The following ACAD11 variants were observed in gnomAD, a reference collection of about 807,000 sequenced individuals.
ACAD11 encodes acyl-Coenzyme A dehydrogenase family, member 11.
In ACAD11, 83 loss-of-function variants were observed where a neutral mutation model predicts 102.2. The ratio of observed to expected loss-of-function variants is 0.81; its 90% CI spans 0.68 to 0.97. The LOEUF (loss-of-function observed/expected upper bound fraction) is 0.97, where lower values mean the gene tolerates loss of function less well. Among genes scored for constraint, ACAD11 ranks in the 50% least tolerant of loss-of-function variants. ACAD11 has a pLI of 0.00. For synonymous variants in ACAD11, 324 were observed against 319.8 expected (o/e 1.01, Z -0.14); for missense variants, 901 against 951.7 (o/e 0.95, Z 0.70).
At chr3:132,580,550 A>C (rs1937583104) in intron 13 of ACAD11, among the ~76,000 whole-genome samples, 1 of 152,186 alleles carries the variant, frequency 6.6e-6, no homozygotes, top group Non-Finnish European at 1.5e-5. Context: ...TCCTAATTCA[A>C]TCAAACAAAA....
intron 13 of ACAD11, among the ~76,000 whole-genome samples, chr3:132,585,508 A>C (rs1937772618): frequency 6.6e-6 from 1 of 152,216 alleles, no homozygotes; most frequent in African/African-American, 2.4e-5. Flanking sequence ...ATTAAACTAA[A>C]AAGCTTCTGC....
Position 132,659,736 on chromosome 3 carries a change from T to C in ACAD11, c.16A>G (p.Thr6Ala), listed in dbSNP as rs1447289178. 5 of 1,604,960 alleles carry C rather than the reference T, an allele frequency of 3.1e-6. No individual in the cohort carries two copies. The highest frequency in any genetic ancestry group is 2.2e-5 in the South Asian group (2 of 90,310). MKPGATGESDLAEVLP... is the reference protein window; with the variant it reads MKPGAAGESDLAEVLP... ...ACTTCGGCCAAATCGGACTCGCCAG[T>C]AGCACCTGGCTTCATGATCACCCCC... Residue 6 changes from threonine (T) to alanine (A), a missense_variant, in exon 1 of 20, where the codon ACT (threonine) becomes GCT (alanine). By Grantham distance (58) the Thr-to-Ala change is moderately conservative. Coordinates refer to ENST00000264990, the MANE Select transcript of ACAD11 (RefSeq NM_032169.5).
At chr3:132,567,267 T>C (rs1937240087) in intron 17 of ACAD11, among the ~76,000 whole-genome samples, 2 of 152,144 alleles carry the variant, frequency 1.3e-5, no homozygotes, top group African/African-American at 4.8e-5. Context: ...TGTGAACTAC[T>C]GCGCCAGGCC....
chr3:132,586,131 C>T (rs1187614216), intron 13 of ACAD11, among the ~76,000 whole-genome samples: 1 of 152,068 alleles, frequency 6.6e-6, no homozygotes, highest in African/African-American at 2.4e-5. Context: ...GAAAATGTGG[C>T]ACATATACAC....
chr3:132,572,041 A>T (rs1189333715), intron 17 of ACAD11, among the ~76,000 whole-genome samples: 2 of 152,212 alleles, frequency 1.3e-5, no homozygotes, highest in African/African-American at 4.8e-5. Context: ...CTCCTATTCA[A>T]CACAGTATTG....
intron 4 of ACAD11, among the ~76,000 whole-genome samples, chr3:132,641,560 TGAAGAAGAAGAAGAA>T (rs370839030): frequency 2.0e-4 from 20 of 99,576 alleles, no homozygotes; most frequent in South Asian, 7.0e-4. Flanking sequence ...ATGATGATGA[TGAAGAAGAAGAAGAA>T]GAAGAAGAAG....
intron 13 of ACAD11, among the ~76,000 whole-genome samples, chr3:132,600,103 T>C (rs1356256522): frequency 6.6e-6 from 1 of 152,204 alleles, no homozygotes; most frequent in Non-Finnish European, 1.5e-5. Flanking sequence ...CACTTTTATT[T>C]AGGATTTAAT....
At chr3:132,659,520 CTT>C (rs1938010548) in intron 1 of ACAD11, 81 bp downstream of exon 1, 2 of 1,584,654 alleles carry the variant, frequency 1.3e-6, no homozygotes, top group African/African-American at 1.4e-5. Flanking sequence ...GTGGGAGAAA[CTT>C]AGGAAACCAC....
intron 9 of ACAD11, 106 bp downstream of exon 9, chr3:132,626,585 G>T: frequency 7.6e-7 from 1 of 1,313,304 alleles, no homozygotes; most frequent in Non-Finnish European, 1.1e-6. Context: ...TCTAGGTAAG[G>T]ATTGACTAAA....
intron 17 of ACAD11, among the ~76,000 whole-genome samples, chr3:132,571,043 G>A (rs145666277): frequency 1.3e-3 from 194 of 152,248 alleles, no homozygotes; most frequent in Non-Finnish European, 2.4e-3. Context: ...GAATTGCTGG[G>A]TCAAATGGTA....
intron 1 of ACAD11, among the ~76,000 whole-genome samples, chr3:132,648,956 T>A (rs1004966531): frequency 6.6e-6 from 1 of 152,250 alleles, no homozygotes; most frequent in Non-Finnish European, 1.5e-5. Context: ...ATGTGTTGTA[T>A]GGAATCAAGG....
intron 1 of ACAD11, among the ~76,000 whole-genome samples, chr3:132,649,223 T>C (rs1244800361): frequency 6.6e-6 from 1 of 152,222 alleles, no homozygotes; most frequent in Non-Finnish European, 1.5e-5. Flanking sequence ...GTAGGGGGTC[T>C]GTGCTGAGGA....
intron 15 of ACAD11, among the ~76,000 whole-genome samples, chr3:132,578,061 TAAAAA>T (rs1022839657): frequency 1.3e-5 from 2 of 152,074 alleles, no homozygotes; most frequent in Non-Finnish European, 2.9e-5. Context: ...TATTCAATGA[TAAAAA>T]GAAAGCCAGG....
At chr3:132,566,295 T>TAAA (rs1937208043) in intron 17 of ACAD11, among the ~76,000 whole-genome samples, 1 of 20,082 alleles carries the variant, frequency 5.0e-5, no homozygotes, top group African/African-American at 3.9e-4. Context: ...GAAAACAAAC[T>TAAA]CAAAAAAACA....
chr3:132,566,296 C>CAAAAAAAAAAAAAAAAAAAAAAA (rs371477145), intron 17 of ACAD11, among the ~76,000 whole-genome samples: 3 of 61,862 alleles, frequency 4.8e-5, no homozygotes, highest in African/African-American at 9.2e-5. Flanking sequence ...AAAACAAACT[C>CAAAAAAAAAAAAAAAAAAAAAAA]AAAAAAACAA....
chr3:132,650,176 C>G (rs1408331099), intron 1 of ACAD11: 2 of 152,188 alleles, frequency 1.3e-5, no homozygotes, highest in African/African-American at 2.4e-5. Context: ...TGAAGTCAAA[C>G]ACAAGACTCC....
At chr3:132,611,692 G>A (rs1939157502) in intron 11 of ACAD11, among the ~76,000 whole-genome samples, 1 of 151,984 alleles carries the variant, frequency 6.6e-6, no homozygotes, top group African/African-American at 2.4e-5. Flanking sequence ...TCTTCAAGGA[G>A]AACTACAAAC....
intron 13 of ACAD11, among the ~76,000 whole-genome samples, chr3:132,594,063 C>T (rs888709841): frequency 2.0e-5 from 3 of 152,156 alleles, no homozygotes; most frequent in Non-Finnish European, 4.4e-5. Flanking sequence ...GCCAGCCAGT[C>T]AGCTAGTTTC....
chr3:132,560,782 T>C (rs1241062107), intron 18 of ACAD11, among the ~76,000 whole-genome samples: 3 of 152,078 alleles, frequency 2.0e-5, no homozygotes, highest in Non-Finnish European at 2.9e-5. Flanking sequence ...GTTAAGTACT[T>C]TGCCCGTGAT....
Sources: gnomAD v4.1 joint callset for allele counts (sites outside exome capture counted in the v4.1 genomes callset) on GRCh38, gnomAD v4.1.1 for gene constraint, MANE v1.5 for transcripts, NCBI Gene and HGNC (gene_info 2026-07-23, HGNC 2026-07-21) for gene names.